Variants in CCNY observed in about 807,000 individuals in gnomAD.
The protein encoded by CCNY is cyclin Y.
CCNY carries 19 observed loss-of-function variants against 42.8 expected under a neutral mutation model. The observed-to-expected ratio is 0.44, with a 90% CI of 0.31 to 0.65. The LOEUF (loss-of-function observed/expected upper bound fraction) is 0.65, where lower values mean the gene tolerates loss of function less well. Among genes scored for constraint, CCNY ranks in the 30% least tolerant of loss-of-function variants. The pLI is 0.07. For missense variants in CCNY, 370 were observed against 437.3 expected (o/e 0.85, Z 1.37); for synonymous variants, 165 against 162.7 (o/e 1.01, Z -0.11).
At chr10:35,383,254 G>A (rs1037311352) in intron 1 of CCNY, among the ~76,000 whole-genome samples, 3 of 152,066 alleles carry the variant, frequency 2.0e-5, no homozygotes, top group African/African-American at 7.2e-5. Flanking sequence ...AATATTCAGC[G>A]TATGAAACTT....
At chr10:35,521,048 G>T (rs1354600515) in intron 4 of CCNY, among the ~76,000 whole-genome samples, 7 of 152,152 alleles carry the variant, frequency 4.6e-5, no homozygotes. Context: ...ACCCCCTCTT[G>T]CCCTTCAAAG....
At chr10:35,406,910 G>A (rs1837791223) in intron 1 of CCNY, among the ~76,000 whole-genome samples, 1 of 152,174 alleles carries the variant, frequency 6.6e-6, no homozygotes, top group Admixed American at 6.5e-5. Flanking sequence ...AGGCAGAGGG[G>A]CTTTTTGGAG....
rs1589185504 is a variant in CCNY, at chr10:35,530,266, C to T, written c.579+23C>T. 6.2e-7 allele frequency: 1 copy of T among 1,613,856 alleles called. No homozygotes were observed. The highest frequency in any genetic ancestry group is 8.5e-7 in the Non-Finnish European group (1 of 1,179,936). On this transcript the variant is annotated intron_variant, in intron 7 of 9. Coordinates refer to ENST00000374704, the MANE Select transcript of CCNY (RefSeq NM_145012.6). The surrounding 1 kb of genome is among the most constrained non-coding windows in gnomAD (Gnocchi z 4.3). ...CTGGTGAGTGCCCTCAGGATGGCCA[C>T]ACCCATCCCCAGCCGAGGTGGTCCA...
chr10:35,503,176 G>A (rs776801869), intron 3 of CCNY, among the ~76,000 whole-genome samples: 1 of 151,930 alleles, frequency 6.6e-6, no homozygotes, highest in Non-Finnish European at 1.5e-5. Context: ...GAACACATCT[G>A]CTGCACCCAG....
chr10:35,292,790 T>G (rs541338339), intron 3 of CCNY, among the ~76,000 whole-genome samples: 1 of 147,878 alleles, frequency 6.8e-6, no homozygotes, highest in East Asian at 1.9e-4. Context: ...TGTTTTTTTT[T>G]TTTTTTTTTT....
At chr10:35,417,110 T>A (rs550146785) in intron 1 of CCNY, among the ~76,000 whole-genome samples, 1 of 152,318 alleles carries the variant, frequency 6.6e-6, no homozygotes, top group African/African-American at 2.4e-5. Context: ...CATCACTTCT[T>A]ATGCTCCATT....
chr10:35,494,604 C>A (rs111562812), intron 2 of CCNY, among the ~76,000 whole-genome samples: 1,580 of 152,142 alleles, frequency 0.01, 24 homozygotes, highest in African/African-American at 0.036. Flanking sequence ...AACTCATGTC[C>A]AAATGCATCT....
intron 4 of CCNY, among the ~76,000 whole-genome samples, 176 bp downstream of exon 4, chr10:35,516,799 C>T (rs1167707097): frequency 6.7e-6 from 1 of 149,352 alleles, no homozygotes; most frequent in Non-Finnish European, 1.5e-5. Context: ...ACTGATAATT[C>T]AGGAAATCTT....
At position 35,360,272 on chromosome 10, in the gene CCNY, T is replaced by C. The variant is rs148241559; in HGVS notation, c.154+23065T>C. 1.8e-4 allele frequency among the ~76,000 whole-genome samples: 26 copies of C among 141,278 alleles called. 1 individual carries two copies. In the East Asian group the frequency reaches 5.0e-3, roughly 27 times the overall value. The allele number at this position is 141,278 out of a possible 152,430, so 92.7% of individuals were successfully genotyped here. ...ATTTTAAAATTAAATTTCTTTTTTT[T>C]CCTTTCTTTTCTTTTCTTTTTTTTT... On this transcript the variant is annotated intron_variant, in intron 1 of 9. Transcript: ENST00000374704.
chr10:35,367,223 A>G (rs1458811782), intron 1 of CCNY, among the ~76,000 whole-genome samples: 2 of 152,080 alleles, frequency 1.3e-5, no homozygotes, highest in South Asian at 2.1e-4. Flanking sequence ...AGAGTGTTCT[A>G]TTTTATAGAC....
At position 35,472,133 on chromosome 10, in the gene CCNY, A is replaced by G. The variant is rs530191771; in HGVS notation, c.155-11271A>G. Among the ~76,000 whole-genome samples the G allele has an allele frequency of 4.6e-5, 7 of 152,154 alleles. No homozygotes were observed. The South Asian group carries it at 1.2e-3, about 27-fold the overall frequency. On this transcript the variant is annotated intron_variant, in intron 1 of 9. Transcript: ENST00000374704. ...AATACCCATTATTTCTGGGGACCCT[A>G]TTGTGTGGTGGACATCCTGCCCATT... is the stretch of plus-strand genomic sequence containing the variant.
At chr10:35,538,632 T>G (rs1840935080) in intron 7 of CCNY, among the ~76,000 whole-genome samples, 1 of 152,240 alleles carries the variant, frequency 6.6e-6, no homozygotes, top group African/African-American at 2.4e-5. Context: ...CTATTTACAT[T>G]CTTTGCCCAT....
chr10:35,448,811 G>A (rs1253133682), intron 1 of CCNY, among the ~76,000 whole-genome samples: 1 of 152,138 alleles, frequency 6.6e-6, no homozygotes, highest in African/African-American at 2.4e-5. Context: ...GGCCAATGTG[G>A]AGTTTGAGCA....
chr10:35,470,230 C>CA (rs903904329), intron 1 of CCNY, among the ~76,000 whole-genome samples: 79 of 150,548 alleles, frequency 5.2e-4, no homozygotes, highest in Non-Finnish European at 8.9e-4. Context: ...GAGAGACAGA[C>CA]AGGGAGATGG....
At chr10:35,382,847 A>G (rs1404839735) in intron 1 of CCNY, among the ~76,000 whole-genome samples, 2 of 152,334 alleles carry the variant, frequency 1.3e-5, no homozygotes, top group South Asian at 2.1e-4. Flanking sequence ...TGTTGTTATT[A>G]TTATGATTAA....
intron 4 of CCNY, among the ~76,000 whole-genome samples, chr10:35,517,888 T>C (rs1002495984): frequency 1.3e-5 from 2 of 152,164 alleles, no homozygotes; most frequent in Non-Finnish European, 2.9e-5. Context: ...TTTGGAAGTA[T>C]TTTCCAGATT....
At chr10:35,310,721 G>A (rs1273995352) in intron 3 of CCNY, among the ~76,000 whole-genome samples, 3 of 152,102 alleles carry the variant, frequency 2.0e-5, no homozygotes, top group African/African-American at 7.2e-5. Flanking sequence ...TGATTGCTTA[G>A]CCTTTGTAGT....
intron 3 of CCNY, among the ~76,000 whole-genome samples, chr10:35,514,833 A>G (rs1056984466): frequency 6.6e-6 from 1 of 152,198 alleles, no homozygotes; most frequent in African/African-American, 2.4e-5. Flanking sequence ...CTGACTTTTA[A>G]TGTTAAATAT....
chr10:35,320,415 C>T (rs1053713927), intron 3 of CCNY, among the ~76,000 whole-genome samples: 1 of 152,176 alleles, frequency 6.6e-6, no homozygotes, highest in African/African-American at 2.4e-5. Context: ...ATTCGCCATC[C>T]ATTCACAATT....
Sources: gnomAD v4.1 joint callset for allele counts (sites outside exome capture counted in the v4.1 genomes callset) on GRCh38, gnomAD v4.1.1 for gene constraint, Gnocchi (gnomAD v3.1) non-coding constraint, MANE v1.5 for transcripts, NCBI Gene and HGNC (gene_info 2026-07-23, HGNC 2026-07-21) for gene names.